CHD9: variants seen among roughly 807,000 people sequenced by gnomAD.
CHD9 encodes the protein chromodomain helicase DNA binding protein 9.
CHD9 carries 77 observed loss-of-function variants against 316.1 expected under a neutral mutation model. That is an observed-to-expected ratio of 0.24 (90% CI 0.20 to 0.29). The LOEUF is 0.29. Among genes scored for constraint, CHD9 ranks in the 10% least tolerant of loss-of-function variants. The pLI is 1.00. For missense variants in CHD9, 2,763 were observed against 3,438.1 expected (o/e 0.80, Z 4.91); for synonymous variants, 1,129 against 1,158.3 (o/e 0.97, Z 0.51).
At chr16:53,145,422 A>G (rs1417864003) in intron 1 of CHD9, among the ~76,000 whole-genome samples, 1 of 151,228 alleles carries the variant, frequency 6.6e-6, no homozygotes, top group East Asian at 2.0e-4. Flanking sequence ...AAGTGCTGAG[A>G]TTACAGGCAT....
At chr16:53,181,808 G>A (rs370077702) in intron 2 of CHD9, among the ~76,000 whole-genome samples, 3 of 152,046 alleles carry the variant, frequency 2.0e-5, no homozygotes, top group Non-Finnish European at 2.9e-5. Flanking sequence ...GGCTGGATGC[G>A]GTGGCTCACA....
rs1274205173 is a variant in CHD9, at chr16:53,229,659, G to A, written c.2286+559G>A. Among the ~76,000 whole-genome samples, 5 of 152,212 alleles carry A rather than the reference G, an allele frequency of 3.3e-5. No homozygotes were observed. The South Asian group carries it at 6.2e-4, about 19-fold the overall frequency. The stretch of plus-strand genomic sequence containing the variant: ...TTTAAACAAAATAGTCACAAAAATA[G>A]TACAATGAATTCTCACATTTATTTT... On this transcript the variant is annotated intron_variant, in intron 8 of 38. Transcript: ENST00000447540.
At chr16:53,306,895 T>C (rs972466412) in intron 32 of CHD9, among the ~76,000 whole-genome samples, 1 of 152,132 alleles carries the variant, frequency 6.6e-6, no homozygotes, top group Non-Finnish European at 1.5e-5. Flanking sequence ...TTCACCTGCC[T>C]CAGCCTCCCA....
chr16:53,270,464 G>C (rs1470089443), intron 22 of CHD9, among the ~76,000 whole-genome samples: 1 of 151,982 alleles, frequency 6.6e-6, no homozygotes, highest in Non-Finnish European at 1.5e-5. Context: ...ATTAAATTTA[G>C]ATACCACTAA....
intron 3 of CHD9, among the ~76,000 whole-genome samples, chr16:53,211,873 C>T (rs985765639): frequency 2.0e-5 from 3 of 152,150 alleles, no homozygotes; most frequent in Non-Finnish European, 4.4e-5. Context: ...CAATAAGCCA[C>T]TATACTTTGT....
At chr16:53,130,543 C>G (rs931849303) in intron 1 of CHD9, among the ~76,000 whole-genome samples, 103 of 149,386 alleles carry the variant, frequency 6.9e-4, no homozygotes, top group African/African-American at 2.5e-3. Context: ...GCGGCCGCGG[C>G]GGGGCTGCCG....
intron 1 of CHD9, among the ~76,000 whole-genome samples, chr16:53,150,035 A>G (rs6499311): frequency 0.31 from 47,237 of 151,796 alleles, 7,504 homozygotes; most frequent in Middle Eastern, 0.39. Flanking sequence ...TTATGTTTTT[A>G]TTTTCATTTT....
chr16:53,201,148 G>A (rs1373646673), intron 2 of CHD9, among the ~76,000 whole-genome samples: 1 of 152,136 alleles, frequency 6.6e-6, no homozygotes, highest in African/African-American at 2.4e-5. Flanking sequence ...TTTAAGTATT[G>A]GGGATAATTT....
rs1478715538 is a variant in CHD9 at position 53,267,423 on chromosome 16, T to A, written c.4450T>A (p.Cys1484Ser). Residue 1484 changes from cysteine (C) to serine (S), a missense_variant, in exon 21 of 39, where the codon TGT becomes AGT. Around this residue, in one of 15 missense-constraint regions of CHD9, gnomAD observed 199 missense variants for 251.7 expected, o/e 0.79. Transcript: ENST00000447540. Reference sequence around the variant, plus strand: ...TGAAAAGCCCAAACTCCGGAGACCCTGTGACCGTTCCAATGGCTATGGAAG... The same window carrying A: ...TGAAAAGCCCAAACTCCGGAGACCCAGTGACCGTTCCAATGGCTATGGAAG... ...GDEKPKLRRP[C>S]DRSNGYGRTE... is the part of the protein sequence containing the mutation. 2 of 1,612,768 alleles carry A rather than the reference T, an allele frequency of 1.2e-6. No individual in the cohort carries two copies. Among genetic ancestry groups the A allele is most frequent in the African/African-American group, 2.7e-5 (2 of 74,978 alleles).
At chr16:53,176,919 C>G (rs1422352031) in intron 2 of CHD9, among the ~76,000 whole-genome samples, 7 of 152,078 alleles carry the variant, frequency 4.6e-5, no homozygotes, top group Admixed American at 4.6e-4. Flanking sequence ...TCACAACAAT[C>G]CAATGATGTT....
intron 11 of CHD9, 47 bp from the exon 12 acceptor site, chr16:53,238,296 G>T: frequency 6.7e-7 from 1 of 1,485,052 alleles, no homozygotes; most frequent in Non-Finnish European, 9.1e-7. Context: ...TTAAAGTATA[G>T]AAAAAAAACC....
chr16:53,193,581 ATCT>A (rs1477262979), intron 2 of CHD9, among the ~76,000 whole-genome samples: 1 of 152,108 alleles, frequency 6.6e-6, no homozygotes, highest in Non-Finnish European at 1.5e-5. Flanking sequence ...CAATCCTTTC[ATCT>A]TCTTTGGTAA....
chr16:53,190,961 C>G (rs1436582463), intron 2 of CHD9, among the ~76,000 whole-genome samples: 1 of 152,054 alleles, frequency 6.6e-6, no homozygotes, highest in Non-Finnish European at 1.5e-5. Flanking sequence ...GCATAATTTA[C>G]ATACAATGAA....
Position 53,156,410 on chromosome 16 carries a change from C to T in CHD9, c.321C>T (p.Pro107=), listed in dbSNP as rs1275432793. The change falls in exon 2 of 39, where the codon CCC becomes CCT. Residue 107 remains proline, a synonymous_variant. Transcript: ENST00000447540. ...AGTTTAATTGTTCTCCAATCCATCC[C>T]CAAAACCAACCCAATGGTTTGTTTC... The part of the protein sequence containing the change: ...HSQFNCSPIH[P]QNQPNGLFPD... 6.2e-7 allele frequency: 1 copy of T among 1,613,986 alleles called. No homozygotes were observed. The highest frequency in any genetic ancestry group is 8.5e-7 in the Non-Finnish European group (1 of 1,179,896).
At chr16:53,159,095 C>T (rs1567397889) in intron 2 of CHD9, among the ~76,000 whole-genome samples, 2 of 151,936 alleles carry the variant, frequency 1.3e-5, no homozygotes, top group African/African-American at 2.4e-5. Flanking sequence ...GACCATGTAA[C>T]GATACTCTGT....
intron 2 of CHD9, among the ~76,000 whole-genome samples, chr16:53,204,123 C>CGTGT (rs59131817): frequency 0.021 from 3,026 of 142,060 alleles, 44 homozygotes; most frequent in South Asian, 0.059. Context: ...ATCTAGATAA[C>CGTGT]GTGTGTGTGT....
intron 3 of CHD9, 61 bp downstream of exon 3, chr16:53,209,874 C>A: frequency 8.6e-7 from 1 of 1,160,254 alleles, no homozygotes; most frequent in South Asian, 1.6e-5. Flanking sequence ...TCAAACTGTC[C>A]AACCATCTAC....
chr16:53,323,738 A>G (rs1031264476), intron 38 of CHD9, among the ~76,000 whole-genome samples: 4 of 152,192 alleles, frequency 2.6e-5, no homozygotes, highest in Non-Finnish European at 5.9e-5. Context: ...TTTGGACCTT[A>G]TATTTTCTAG....
chr16:53,306,487 T>A (rs376860919), intron 32 of CHD9, 90 bp downstream of exon 32: 1 of 1,076,112 alleles, frequency 9.3e-7, no homozygotes, highest in Non-Finnish European at 1.3e-6. Flanking sequence ...TGTGGAAACA[T>A]AGGTCAGCGT....
Sources: allele counts gnomAD v4.1 joint callset (sites outside exome capture counted in the v4.1 genomes callset), GRCh38; gene constraint gnomAD v4.1.1; regional missense constraint gnomAD v4.1.1; transcripts MANE v1.5; gene names NCBI Gene and HGNC (gene_info 2026-07-23, HGNC 2026-07-21).